The following NOSTRIN variants were observed in gnomAD, a reference collection of about 807,000 sequenced individuals.
NOSTRIN encodes nitric oxide synthase trafficking, also known as BM247 homolog.
NOSTRIN carries 63 observed loss-of-function variants against 59.0 expected under a neutral mutation model. The ratio of observed to expected loss-of-function variants is 1.07; its 90% CI spans 0.87 to 1.32. NOSTRIN has a LOEUF of 1.32. Among genes scored for constraint, NOSTRIN ranks in the 40% most tolerant of loss-of-function variants. The pLI, the probability that NOSTRIN is intolerant of heterozygous loss-of-function variation, is 0.00. For missense variants in NOSTRIN, 512 were observed against 473.1 expected (o/e 1.08, Z -0.76); for synonymous variants, 200 against 165.4 (o/e 1.21, Z -1.61).
At chr2:168,806,327 A>G (rs1316276955) in intron 1 of NOSTRIN, among the ~76,000 whole-genome samples, 1 of 152,130 alleles carries the variant, frequency 6.6e-6, no homozygotes, top group African/African-American at 2.4e-5. Context: ...AACTTTTTCT[A>G]GAACTAAATT....
chr2:168,863,892 A>G (rs1182186162), intron 15 of NOSTRIN, among the ~76,000 whole-genome samples: 2 of 152,092 alleles, frequency 1.3e-5, no homozygotes, highest in African/African-American at 4.8e-5. Flanking sequence ...GCATAAGGAT[A>G]TATGATCCAA....
Position 168,811,418 on chromosome 2 carries a change from T to C in NOSTRIN, c.28-149T>C, listed in dbSNP as rs180852737. On this transcript the variant is annotated intron_variant, in intron 1 of 15. Coordinates refer to ENST00000317647, the MANE Select transcript of NOSTRIN (RefSeq NM_001039724.4). ...ACTTCATCTTTATTTTAAGAACTCA[T>C]CCAAAAGGTATAAATGCCTGTAGCT... 2.1e-5 allele frequency: 9 copies of C among 423,232 alleles called. No homozygotes were observed. The East Asian group carries it at 3.1e-4, about 15-fold the overall frequency. 26.2% of individuals were successfully genotyped at this position (423,232 alleles called of 1,614,324 possible). A position where few individuals can be genotyped will look rare whatever the true frequency, so the allele number is the denominator to read the frequency against.
chr2:168,856,101 A>C, intron 11 of NOSTRIN: 2 of 219,668 alleles, frequency 9.1e-6, no homozygotes. Flanking sequence ...AACTGTTAGC[A>C]ATTGCTAGAA....
intron 8 of NOSTRIN, among the ~76,000 whole-genome samples, chr2:168,845,797 T>C (rs1008454988): frequency 8.6e-5 from 13 of 151,588 alleles, no homozygotes; most frequent in African/African-American, 3.1e-4. Context: ...TTCCTTTTTT[T>C]TTTTTTTTTT....
At chr2:168,788,455 G>C (rs1429348960) in intron 2 of NOSTRIN, among the ~76,000 whole-genome samples, 1 of 152,094 alleles carries the variant, frequency 6.6e-6, no homozygotes, top group Admixed American at 6.5e-5. Flanking sequence ...CAGGAGGACA[G>C]TGCAGCTGGC....
At chr2:168,787,675 T>C (rs372015131) in intron 1 of NOSTRIN, among the ~76,000 whole-genome samples, 1 of 152,212 alleles carries the variant, frequency 6.6e-6, no homozygotes, top group Non-Finnish European at 1.5e-5. Flanking sequence ...AGAATGAATA[T>C]GCATTTACAG....
At chr2:168,816,205 C>T (rs1218841396) in intron 2 of NOSTRIN, among the ~76,000 whole-genome samples, 1 of 152,126 alleles carries the variant, frequency 6.6e-6, no homozygotes, top group Admixed American at 6.6e-5. Context: ...TAGAAGACCC[C>T]GTTTCCAATC....
chr2:168,807,562 G>A (rs1685921703), intron 1 of NOSTRIN, among the ~76,000 whole-genome samples: 1 of 152,162 alleles, frequency 6.6e-6, no homozygotes, highest in Admixed American at 6.5e-5. Flanking sequence ...CATTGCTCTT[G>A]TAAGCACATC....
At position 168,818,615 on chromosome 2, in the gene NOSTRIN, T is replaced by C. The variant is rs147604760; in HGVS notation, c.114-6019T>C. Among the ~76,000 whole-genome samples the C allele has an allele frequency of 7.7e-3, 1,167 of 152,350 alleles. 6 individuals are homozygous for C. Among genetic ancestry groups the C allele is most frequent in the African/African-American group, 0.024 (990 of 41,588 alleles). On this transcript the variant is annotated intron_variant, in intron 2 of 15. Coordinates refer to ENST00000317647, the MANE Select transcript of NOSTRIN (RefSeq NM_001039724.4). ...TTTAATTAGCGCTTTATCTAAAATA[T>C]TGAATCTGAAATCACATATTTTCCA...
chr2:168,806,787 T>C (rs17265836), intron 1 of NOSTRIN, among the ~76,000 whole-genome samples: 2,849 of 152,288 alleles, frequency 0.019, 38 homozygotes, highest in Middle Eastern at 0.051. Flanking sequence ...GGGGTTAGGA[T>C]ATTTAAAAGC....
At chr2:168,818,295 A>T in intron 2 of NOSTRIN, 1 of 380,472 alleles carries the variant, frequency 2.6e-6, no homozygotes, top group Non-Finnish European at 5.3e-6. Context: ...CTAGGACTGC[A>T]GGTGTGTGCC....
At chr2:168,834,625 G>C (rs969911818) in intron 7 of NOSTRIN, among the ~76,000 whole-genome samples, 6 of 151,296 alleles carry the variant, frequency 4.0e-5, no homozygotes, top group Admixed American at 3.3e-4. Flanking sequence ...AAAGTCCTAG[G>C]CTCAAGGGAT....
At chr2:168,796,194 C>T (rs887175796), upstream of NOSTRIN, among the ~76,000 whole-genome samples, 9 of 152,234 alleles carry the variant, frequency 5.9e-5, no homozygotes, top group African/African-American at 1.7e-4. Context: ...CAACAGGGAA[C>T]GCTGCTGCTC....
chr2:168,851,332 C>T lies in NOSTRIN; in HGVS notation c.783C>T (p.Ile261=), dbSNP rs1274050010. The change falls in exon 10 of 16, where the codon ATC becomes ATT. Residue 261 remains isoleucine, a synonymous_variant. Coordinates refer to ENST00000317647, the MANE Select transcript of NOSTRIN (RefSeq NM_001039724.4). ...GCAAGATTGACATTGAAAAAGATAT[C>T]CAGGCTGTAATGGAAGAAACTGCAA... ...AISKIDIEKD[I]QAVMEETAIL... is the part of the protein sequence containing the mutation. The T allele has an allele frequency of 2.5e-6, 4 of 1,613,808 alleles. No homozygotes were observed. The highest frequency in any genetic ancestry group is 3.4e-6 in the Non-Finnish European group (4 of 1,179,958).
chr2:168,828,006 G>A, intron 3 of NOSTRIN, 152 bp from the exon 4 acceptor site: 1 of 655,150 alleles, frequency 1.5e-6, no homozygotes, highest in Non-Finnish European at 2.8e-6. Context: ...TTGGCAGAAT[G>A]TAATCTCATA....
intron 11 of NOSTRIN, 81 bp from the exon 12 acceptor site, chr2:168,856,609 T>A: frequency 1.6e-6 from 2 of 1,242,404 alleles, no homozygotes; most frequent in South Asian, 1.2e-5. Context: ...ACTTCTAGGC[T>A]CCCTTTGAGA....
chr2:168,829,884 C>A (rs1687272594), intron 5 of NOSTRIN, among the ~76,000 whole-genome samples: 1 of 152,088 alleles, frequency 6.6e-6, no homozygotes, highest in Non-Finnish European at 1.5e-5. Context: ...AAAGCACATC[C>A]TCAGTGGCAA....
intron 7 of NOSTRIN, among the ~76,000 whole-genome samples, chr2:168,836,649 A>ACAC (rs1687738393): frequency 6.6e-6 from 1 of 152,036 alleles, no homozygotes; most frequent in Middle Eastern, 3.2e-3. Flanking sequence ...TCACACCTCC[A>ACAC]TCCACACACT....
At chr2:168,799,547 C>T (rs1468333555), upstream of NOSTRIN, among the ~76,000 whole-genome samples, 1 of 152,188 alleles carries the variant, frequency 6.6e-6, no homozygotes, top group Non-Finnish European at 1.5e-5. Context: ...CAGGTTCTCC[C>T]TGCTGCTGCC....
Sources: allele counts gnomAD v4.1 joint callset (sites outside exome capture counted in the v4.1 genomes callset), GRCh38; gene constraint gnomAD v4.1.1; transcripts MANE v1.5; gene names NCBI Gene and HGNC (gene_info 2026-07-23, HGNC 2026-07-21).